LINGO2: variants seen among roughly 807,000 people sequenced by gnomAD.
LINGO2 encodes the protein leucine rich repeat and Ig domain containing 2, also known as leucine-rich repeat and immunoglobulin-like domain-containing nogo receptor-interacting protein 2.
In LINGO2, 14 loss-of-function variants were observed where a neutral mutation model predicts 30.6. That is an observed-to-expected ratio of 0.46 (90% CI 0.30 to 0.72). LINGO2 has a LOEUF of 0.72. Among genes scored for constraint, LINGO2 ranks in the 30% least tolerant of loss-of-function variants. LINGO2 has a pLI of 0.07. For missense variants in LINGO2, 729 were observed against 751.7 expected (o/e 0.97, Z 0.35); for synonymous variants, 317 against 288.5 (o/e 1.10, Z -1.00).
At chr9:28,845,562 A>C in the LINGO2 span, among the ~76,000 whole-genome samples, 1 of 151,908 alleles carries the variant, frequency 6.6e-6, no homozygotes, top group Non-Finnish European at 1.5e-5. Flanking sequence ...AATAATTAAA[A>C]GCAGTGTGGG....
At chr9:28,692,475 AAAAAATAAAAAC>A in the LINGO2 span, among the ~76,000 whole-genome samples, 1 of 152,152 alleles carries the variant, frequency 6.6e-6, no homozygotes, top group Non-Finnish European at 1.5e-5. Flanking sequence ...ACTCCGTCTC[AAAAAATAAAAAC>A]AAAAATAAAA....
chr9:28,771,462 T>G, the LINGO2 span, among the ~76,000 whole-genome samples: 4 of 60,614 alleles, frequency 6.6e-5, no homozygotes, highest in African/African-American at 4.0e-4. Flanking sequence ...GGTGTGTGTG[T>G]GTGTGTGTGT....
intron 3 of LINGO2, among the ~76,000 whole-genome samples, chr9:28,323,548 T>C (rs1409556746): frequency 2.0e-5 from 3 of 152,208 alleles, no homozygotes; most frequent in Non-Finnish European, 4.4e-5. Flanking sequence ...TGCACTGAGC[T>C]GAGATCACGT....
chr9:28,824,753 A>G, the LINGO2 span, among the ~76,000 whole-genome samples: 2 of 152,106 alleles, frequency 1.3e-5, no homozygotes, highest in Non-Finnish European at 2.9e-5. Flanking sequence ...TCATCACAAG[A>G]CCCAGTATGA....
intron 4 of LINGO2, among the ~76,000 whole-genome samples, chr9:28,173,101 T>C (rs998904002): frequency 6.6e-6 from 1 of 152,172 alleles, no homozygotes; most frequent in Non-Finnish European, 1.5e-5. Context: ...CTCTCATTGA[T>C]TGTAGTTTTA....
chr9:28,699,981 G>C, the LINGO2 span, among the ~76,000 whole-genome samples: 2 of 152,026 alleles, frequency 1.3e-5, no homozygotes, highest in Non-Finnish European at 2.9e-5. Flanking sequence ...CTTATCAGGA[G>C]TTTCTGATTT....
chr9:28,967,848 AAGAG>A, the LINGO2 span, among the ~76,000 whole-genome samples: 1 of 152,226 alleles, frequency 6.6e-6, no homozygotes, highest in Non-Finnish European at 1.5e-5. Flanking sequence ...GAGAAAGAGA[AAGAG>A]AGAAGACAGA....
the LINGO2 span, among the ~76,000 whole-genome samples, chr9:29,029,495 C>T: frequency 6.6e-6 from 1 of 152,026 alleles, no homozygotes; most frequent in Non-Finnish European, 1.5e-5. Flanking sequence ...TCTGGCCCTA[C>T]AATTATAAAA....
At chr9:28,074,004 A>G (rs1825554609) in intron 4 of LINGO2, among the ~76,000 whole-genome samples, 1 of 152,190 alleles carries the variant, frequency 6.6e-6, no homozygotes, top group Non-Finnish European at 1.5e-5. Flanking sequence ...ATATCAGAAT[A>G]TGTCAATGAA....
chr9:28,885,362 C>CACAA, the LINGO2 span, among the ~76,000 whole-genome samples: 1 of 139,504 alleles, frequency 7.2e-6, no homozygotes, highest in African/African-American at 2.9e-5. Context: ...TATATATATA[C>CACAA]ACACACACAC....
chr9:29,112,874 T>C, the LINGO2 span, among the ~76,000 whole-genome samples: 1 of 152,202 alleles, frequency 6.6e-6, no homozygotes, highest in African/African-American at 2.4e-5. Context: ...CTACAATCTT[T>C]CTATGTATTA....
At chr9:28,606,416 T>TA (rs555278606) in intron 1 of LINGO2, among the ~76,000 whole-genome samples, 348 of 152,144 alleles carry the variant, frequency 2.3e-3, no homozygotes, top group Non-Finnish European at 3.5e-3. Context: ...TAAATGACTT[T>TA]ACTGGAGAGA....
At chr9:28,307,104 A>G (rs1824396426) in intron 3 of LINGO2, among the ~76,000 whole-genome samples, 2 of 152,102 alleles carry the variant, frequency 1.3e-5, no homozygotes, top group Non-Finnish European at 2.9e-5. Context: ...TCTGATACCA[A>G]AGCCCGGCAG....
intron 1 of LINGO2, among the ~76,000 whole-genome samples, chr9:28,599,934 A>C (rs1224541300): frequency 6.6e-6 from 1 of 152,194 alleles, no homozygotes; most frequent in African/African-American, 2.4e-5. Flanking sequence ...GAATTGAAAC[A>C]TACCAGCATA....
At chr9:29,027,426 C>T in the LINGO2 span, among the ~76,000 whole-genome samples, 9 of 152,160 alleles carry the variant, frequency 5.9e-5, no homozygotes, top group Admixed American at 5.2e-4. Flanking sequence ...AAACCTCCAT[C>T]TTTCAGGTTC....
chr9:28,027,928 TAG>T (rs1293468829), intron 4 of LINGO2, among the ~76,000 whole-genome samples: 2 of 152,014 alleles, frequency 1.3e-5, no homozygotes, highest in Non-Finnish European at 2.9e-5. Context: ...CAAAAGTATA[TAG>T]GAGTGGTGGG....
At chr9:28,126,439 G>A (rs1587040156) in intron 4 of LINGO2, among the ~76,000 whole-genome samples, 1 of 152,130 alleles carries the variant, frequency 6.6e-6, no homozygotes, top group East Asian at 1.9e-4. Flanking sequence ...AGTTGTATAT[G>A]GAACTCTACC....
intron 4 of LINGO2, among the ~76,000 whole-genome samples, chr9:28,061,969 G>GAAAT (rs1325549266): frequency 6.6e-6 from 1 of 152,100 alleles, no homozygotes; most frequent in Non-Finnish European, 1.5e-5. Flanking sequence ...CAATAATGAT[G>GAAAT]AAATATATGT....
the LINGO2 span, among the ~76,000 whole-genome samples, chr9:29,147,077 C>T: frequency 5.9e-5 from 9 of 152,126 alleles, no homozygotes; most frequent in Non-Finnish European, 1.2e-4. Context: ...ACAGAATTGG[C>T]AATGAGAATT....
Sources: allele counts gnomAD v4.1 joint callset (sites outside exome capture counted in the v4.1 genomes callset), GRCh38; gene constraint gnomAD v4.1.1; transcripts MANE v1.5; gene names NCBI Gene and HGNC (gene_info 2026-07-23, HGNC 2026-07-21).